The following CAST variants were observed in gnomAD, a reference collection of about 807,000 sequenced individuals.
CAST encodes MIR583 host.
Under a neutral mutation model 119.6 loss-of-function variants are expected in CAST, and 76 were observed. That is an observed-to-expected ratio of 0.64 (90% CI 0.53 to 0.77). CAST has a LOEUF of 0.77. CAST is among the 30% of genes least tolerant of loss of function. The pLI is 0.00. For synonymous variants in CAST, 319 were observed against 331.6 expected (o/e 0.96, Z 0.41); for missense variants, 953 against 946.5 (o/e 1.01, Z -0.09).
intron 1 of CAST, among the ~76,000 whole-genome samples, chr5:96,544,638 TGA>T (rs1745972239): frequency 6.6e-6 from 1 of 152,014 alleles, no homozygotes; most frequent in South Asian, 2.1e-4. Flanking sequence ...ATTGATAAGC[TGA>T]GAGATAAAAA....
chr5:96,167,734 C>T, the CAST span, among the ~76,000 whole-genome samples: 1 of 152,176 alleles, frequency 6.6e-6, no homozygotes, highest in African/African-American at 2.4e-5. Flanking sequence ...CGGCGGTGGC[C>T]TTCTCAGACC....
the CAST span, among the ~76,000 whole-genome samples, chr5:96,518,197 T>A: frequency 4.6e-5 from 7 of 152,364 alleles, 1 homozygote; most frequent in African/African-American, 1.7e-4. Flanking sequence ...GATGACGATA[T>A]GTAATTCTAG....
At chr5:96,233,913 CGTT>C in the CAST span, among the ~76,000 whole-genome samples, 2 of 151,516 alleles carry the variant, frequency 1.3e-5, no homozygotes, top group African/African-American at 4.9e-5. Flanking sequence ...TTTCTAATGA[CGTT>C]GTAGATAAGA....
rs116752129 is a variant in CAST, at chr5:96,704,197, G to A, written c.210+8290G>A. 4.4e-3 allele frequency among the ~76,000 whole-genome samples: 671 copies of A among 152,324 alleles called. 9 individuals are homozygous for A. Among genetic ancestry groups the A allele is most frequent in the African/African-American group, 0.016 (648 of 41,574 alleles). On this transcript the variant is annotated intron_variant, in intron 3 of 31. Transcript: ENST00000675179. ...AGCATGCTTTGTAGACTGTGAAACAGTGTTTATGAAGCAGCACATTCAAGT... is the reference window on the plus strand; with the variant it reads ...AGCATGCTTTGTAGACTGTGAAACAATGTTTATGAAGCAGCACATTCAAGT...
Position 96,762,176 on chromosome 5 carries a change from A to C in CAST, c.1834-98A>C, listed in dbSNP as rs138807236. The C allele has an allele frequency of 1.2e-3, 746 of 605,106 alleles. 4 individuals carry two copies. The African/African-American group carries it at 0.013, about 10-fold the overall frequency. 37.5% of individuals were successfully genotyped at this position (605,106 alleles called of 1,614,324 possible). On this transcript the variant is annotated intron_variant, in intron 24 of 31. Transcript: ENST00000675179. Reference sequence around the variant, plus strand: ...AGTCTATTTGGTCAAGAGAATAAACAGTCATTAAGCTATCTTTAAGAGTTA... The same window carrying C: ...AGTCTATTTGGTCAAGAGAATAAACCGTCATTAAGCTATCTTTAAGAGTTA...
intron 1 of CAST, among the ~76,000 whole-genome samples, chr5:96,534,754 A>G (rs1415749387): frequency 0.016 from 958 of 59,288 alleles, no homozygotes; most frequent in East Asian, 0.036. Flanking sequence ...AGAAAGAAAG[A>G]AAGAAAGAAA....
At chr5:96,729,340 G>T (rs968047220) in intron 7 of CAST, 131 bp downstream of exon 7, 1 of 633,618 alleles carries the variant, frequency 1.6e-6, no homozygotes, top group Non-Finnish European at 2.8e-6. Context: ...CTAAAATGGT[G>T]CCATCCTGTG....
chr5:96,020,816 TC>T, the CAST span, among the ~76,000 whole-genome samples: 1 of 80,890 alleles, frequency 1.2e-5, no homozygotes, highest in African/African-American at 4.7e-5. Context: ...CCCCAAACCA[TC>T]CCCCACCCCC....
chr5:96,056,429 C>T, the CAST span, among the ~76,000 whole-genome samples: 2 of 152,256 alleles, frequency 1.3e-5, no homozygotes, highest in East Asian at 3.9e-4. Context: ...GCCCCAACTC[C>T]TGTATTTATT....
chr5:96,021,416 A>G, the CAST span, among the ~76,000 whole-genome samples: 1 of 152,112 alleles, frequency 6.6e-6, no homozygotes, highest in African/African-American at 2.4e-5. Context: ...GTTTCAAGTT[A>G]GTCTTATTTA....
chr5:96,004,922 G>T, the CAST span, among the ~76,000 whole-genome samples: 1 of 152,110 alleles, frequency 6.6e-6, no homozygotes, highest in Non-Finnish European at 1.5e-5. Context: ...AGAAAATGCT[G>T]CCAGCCTCCA....
chr5:96,473,883 GC>G, the CAST span, among the ~76,000 whole-genome samples: 10 of 152,192 alleles, frequency 6.6e-5, no homozygotes, highest in Non-Finnish European at 1.3e-4. Context: ...TGATGGTGAT[GC>G]AAAAACTGAA....
intron 15 of CAST, chr5:96,741,811 A>G: frequency 2.2e-6 from 1 of 452,762 alleles, no homozygotes. Context: ...GTCATCATCT[A>G]AGACCATCTC....
the CAST span, among the ~76,000 whole-genome samples, chr5:96,133,665 T>A: frequency 6.6e-6 from 1 of 152,214 alleles, no homozygotes; most frequent in Non-Finnish European, 1.5e-5. Flanking sequence ...CATTACAAAT[T>A]TTTGTAATAT....
intron 1 of CAST, among the ~76,000 whole-genome samples, chr5:96,588,557 T>A (rs1746901934): frequency 6.6e-6 from 1 of 152,208 alleles, no homozygotes; most frequent in Admixed American, 6.5e-5. Context: ...ATCTGATAAC[T>A]ATAGTGGTCT....
At chr5:96,131,385 G>A in the CAST span, among the ~76,000 whole-genome samples, 1 of 151,560 alleles carries the variant, frequency 6.6e-6, no homozygotes, top group East Asian at 1.9e-4. Context: ...CAGGAGAATG[G>A]AATGCAGCTG....
chr5:96,480,731 A>G, the CAST span, among the ~76,000 whole-genome samples: 1 of 152,192 alleles, frequency 6.6e-6, no homozygotes, highest in Non-Finnish European at 1.5e-5. Flanking sequence ...GTACCATAGA[A>G]ACGAAAAGAA....
At chr5:96,732,502 G>A (rs1760763074) in intron 9 of CAST, among the ~76,000 whole-genome samples, 1 of 133,518 alleles carries the variant, frequency 7.5e-6, no homozygotes, top group Non-Finnish European at 1.6e-5. Context: ...AAGCTCTTTA[G>A]TTTAATTAGA....
At chr5:96,482,785 G>A in the CAST span, among the ~76,000 whole-genome samples, 5 of 152,112 alleles carry the variant, frequency 3.3e-5, no homozygotes, top group African/African-American at 9.7e-5. Context: ...TCTGATGGAT[G>A]AAGAATTGAA....
Sources: allele counts gnomAD v4.1 joint callset (sites outside exome capture counted in the v4.1 genomes callset), GRCh38; gene constraint gnomAD v4.1.1; transcripts MANE v1.5; gene names NCBI Gene and HGNC (gene_info 2026-07-23, HGNC 2026-07-21).